DORIP1: variants seen among roughly 807,000 people sequenced by gnomAD.
DORIP1 encodes dopamine receptor interacting protein 1.
At chr14:44,898,614 C>T in the DORIP1 span, among the ~76,000 whole-genome samples, 1 of 152,076 alleles carries the variant, frequency 6.6e-6, no homozygotes, top group African/African-American at 2.4e-5. Context: ...TTTTTAAAAT[C>T]TTTGTAAACA....
At chr14:44,903,144 TTATAA>T in the DORIP1 span, 65 of 1,198,166 alleles carry the variant, frequency 5.4e-5, no homozygotes, top group East Asian at 1.0e-3. Flanking sequence ...GTAAAATTTG[TTATAA>T]TATATTAAGA....
At chr14:44,900,525 G>A in the DORIP1 span, 2 of 1,599,020 alleles carry the variant, frequency 1.3e-6, no homozygotes, top group South Asian at 2.3e-5. Context: ...TTCCTTGGGG[G>A]GGTGTTTTTA....
chr14:44,901,029 G>A, the DORIP1 span: 22 of 1,451,640 alleles, frequency 1.5e-5, no homozygotes, highest in Admixed American at 1.6e-4. Flanking sequence ...ATATGTAGTC[G>A]TGTACCCCAT....
At chr14:44,900,598 A>C in the DORIP1 span, 2 of 1,610,160 alleles carry the variant, frequency 1.2e-6, 1 homozygote, top group South Asian at 2.2e-5. Context: ...AAGACTGAAA[A>C]ATACCTGCAC....
chr14:44,903,631 A>G, the DORIP1 span: 1 of 999,052 alleles, frequency 1.0e-6, no homozygotes, highest in African/African-American at 1.7e-5. Context: ...ACAACTAAAA[A>G]ACTTAACCTA....
chr14:44,905,318 C>T, the DORIP1 span: 2 of 1,235,954 alleles, frequency 1.6e-6, no homozygotes, highest in South Asian at 2.0e-5. Context: ...GAATGTTTAT[C>T]TTAACAAAGT....
chr14:44,898,791 C>T, the DORIP1 span: 2 of 151,956 alleles, frequency 1.3e-5, no homozygotes, highest in Admixed American at 6.6e-5. Flanking sequence ...TTTTAGAGTC[C>T]ACAGTATCTT....
At chr14:44,900,055 G>A in the DORIP1 span, among the ~76,000 whole-genome samples, 5 of 151,920 alleles carry the variant, frequency 3.3e-5, no homozygotes, top group African/African-American at 1.2e-4. Context: ...GGTCTCGAAC[G>A]CCCGACCTCA....
At chr14:44,906,258 T>C in the DORIP1 span, 1 of 152,016 alleles carries the variant, frequency 6.6e-6, no homozygotes, top group Non-Finnish European at 1.5e-5. Context: ...ATTATATAAC[T>C]ATCTTAAATG....
At chr14:44,899,576 T>G in the DORIP1 span, among the ~76,000 whole-genome samples, 1 of 152,100 alleles carries the variant, frequency 6.6e-6, no homozygotes, top group Non-Finnish European at 1.5e-5. Flanking sequence ...ACAGGAGTTT[T>G]TTTTTTTACA....
chr14:44,901,838 T>C, the DORIP1 span, among the ~76,000 whole-genome samples: 1 of 152,214 alleles, frequency 6.6e-6, no homozygotes, highest in African/African-American at 2.4e-5. Context: ...TGAGTGTTTT[T>C]GGCTTTCAGA....
At chr14:44,904,634 T>C in the DORIP1 span, 1 of 1,137,662 alleles carries the variant, frequency 8.8e-7, no homozygotes, top group South Asian at 1.9e-5. Context: ...AAAACAATCA[T>C]ATCTGTCTCT....
the DORIP1 span, among the ~76,000 whole-genome samples, chr14:44,900,214 C>A: frequency 6.6e-6 from 1 of 152,066 alleles, no homozygotes; most frequent in African/African-American, 2.4e-5. Flanking sequence ...AAATGGCCAT[C>A]TGTACCTCAA....
At chr14:44,901,815 G>A in the DORIP1 span, among the ~76,000 whole-genome samples, 380 of 152,306 alleles carry the variant, frequency 2.5e-3, no homozygotes, top group African/African-American at 8.6e-3. Context: ...TAGGAAAGGT[G>A]CAAGGAGCCA....
At chr14:44,899,824 ATTTTTTT>A in the DORIP1 span, among the ~76,000 whole-genome samples, 8 of 115,274 alleles carry the variant, frequency 6.9e-5, no homozygotes, top group Non-Finnish European at 1.4e-4. Flanking sequence ...TCATTTAGGA[ATTTTTTT>A]TTTTTTTTTT....
the DORIP1 span, among the ~76,000 whole-genome samples, chr14:44,898,167 T>G: frequency 6.6e-6 from 1 of 152,206 alleles, no homozygotes; most frequent in African/African-American, 2.4e-5. Context: ...AGTTCCTAGC[T>G]AAACAGCTAA....
At chr14:44,900,531 T>G in the DORIP1 span, 1 of 1,600,574 alleles carries the variant, frequency 6.2e-7, no homozygotes, top group East Asian at 2.2e-5. Context: ...GGGGGGGTGT[T>G]TTTACTATCA....
the DORIP1 span, chr14:44,905,328 T>C: frequency 7.7e-7 from 1 of 1,290,900 alleles, no homozygotes; most frequent in Non-Finnish European, 1.1e-6. Context: ...CTTAACAAAG[T>C]ATTAAATTTT....
chr14:44,901,327 C>T, the DORIP1 span, among the ~76,000 whole-genome samples: 1 of 152,118 alleles, frequency 6.6e-6, no homozygotes, highest in East Asian at 1.9e-4. Context: ...CAGAATGTGT[C>T]CCCATTGGAT....
Sources: gnomAD v4.1 joint callset for allele counts (sites outside exome capture counted in the v4.1 genomes callset) on GRCh38, gnomAD v4.1.1 for gene constraint, MANE v1.5 for transcripts, NCBI Gene and HGNC (gene_info 2026-07-23, HGNC 2026-07-21) for gene names.